The following GABRA3 variants were observed in gnomAD, a reference collection of about 807,000 sequenced individuals.
The protein encoded by GABRA3 is gamma-aminobutyric acid receptor subunit alpha-3.
Under a neutral mutation model 30.1 loss-of-function variants are expected in GABRA3, and 10 were observed. The observed-to-expected ratio is 0.33, with a 90% CI of 0.20 to 0.56. The LOEUF (loss-of-function observed/expected upper bound fraction) is 0.56. Ranked by LOEUF, GABRA3 falls within the 20% of genes least tolerant of loss-of-function variation. The probability of loss-of-function intolerance (pLI) is 0.89; values close to 1 mark genes in which losing one functional copy is unlikely to be tolerated. For synonymous variants in GABRA3, 151 were observed against 146.8 expected, an observed-to-expected ratio of 1.03 and a Z score of -0.21; for missense variants, 233 against 392.0, an observed-to-expected ratio of 0.59 and a Z score of 3.42.
chrX:152,363,698 G>A (rs771612617), intron 2 of GABRA3, among the ~76,000 whole-genome samples: 10 of 111,962 alleles, frequency 8.9e-5, no homozygotes, highest in Non-Finnish European at 1.7e-4. Context: ...TCTGTTTCTA[G>A]AGAACCCAAT....
chrX:152,377,721 T>C (rs746237487), intron 1 of GABRA3, among the ~76,000 whole-genome samples: 12 of 111,854 alleles, frequency 1.1e-4, no homozygotes, highest in Admixed American at 1.9e-4. Context: ...AACCATGTTG[T>C]AGTTTTGACA....
chrX:152,253,694 A>G (rs1430500951), intron 5 of GABRA3, among the ~76,000 whole-genome samples: 1 of 111,606 alleles, frequency 9.0e-6, no homozygotes, highest in Non-Finnish European at 1.9e-5. Context: ...TTTACCCAGT[A>G]ACTACAGAGC....
At chrX:152,172,617 C>T (rs1937017226) in intron 9 of GABRA3, among the ~76,000 whole-genome samples, 1 of 111,541 alleles carries the variant, frequency 9.0e-6, no homozygotes, top group African/African-American at 3.3e-5. Context: ...CACAATTCTT[C>T]AACCTCACAA....
intron 5 of GABRA3, chrX:152,250,644 C>CTCT (rs1938537294): frequency 9.0e-6 from 1 of 110,799 alleles, no homozygotes; most frequent in Non-Finnish European, 1.9e-5. Context: ...TGCATTGTTC[C>CTCT]AATTTTAGTA....
intron 5 of GABRA3, among the ~76,000 whole-genome samples, chrX:152,242,011 G>C (rs1476717830): frequency 9.0e-6 from 1 of 111,591 alleles, no homozygotes; most frequent in Non-Finnish European, 1.9e-5. Context: ...GTTCCTATTC[G>C]GCCATCTTGG....
intron 8 of GABRA3, among the ~76,000 whole-genome samples, chrX:152,191,920 A>T (rs112740611): frequency 1.8e-3 from 203 of 111,804 alleles, no homozygotes; most frequent in African/African-American, 6.3e-3. Flanking sequence ...GTAACCTGGT[A>T]ATCTCTGACA....
intron 1 of GABRA3, among the ~76,000 whole-genome samples, chrX:152,406,106 T>C (rs963815225): frequency 1.8e-5 from 2 of 109,068 alleles, no homozygotes; most frequent in Non-Finnish European, 3.8e-5. Context: ...CCGAGTTTAG[T>C]GTGCTCCCAA....
chrX:152,404,007 G>C (rs1929864664), intron 1 of GABRA3, among the ~76,000 whole-genome samples: 1 of 111,156 alleles, frequency 9.0e-6, no homozygotes, highest in Non-Finnish European at 1.9e-5. Flanking sequence ...ATGTTAAAAT[G>C]ATTACAAGCT....
At chrX:152,356,735 C>T (rs940921637) in intron 2 of GABRA3, among the ~76,000 whole-genome samples, 13 of 111,140 alleles carry the variant, frequency 1.2e-4, no homozygotes, top group Non-Finnish European at 1.7e-4. Context: ...CTATACTCAC[C>T]CTCCTTCCAC....
intron 1 of GABRA3, among the ~76,000 whole-genome samples, chrX:152,418,709 G>T (rs1425417758): frequency 9.0e-6 from 1 of 111,566 alleles, no homozygotes; most frequent in Non-Finnish European, 1.9e-5. Flanking sequence ...GTAATAAAGA[G>T]GCCCAGCAAA....
At chrX:152,242,147 T>G (rs1938390745) in intron 5 of GABRA3, among the ~76,000 whole-genome samples, 1 of 111,666 alleles carries the variant, frequency 9.0e-6, no homozygotes, top group African/African-American at 3.3e-5. Context: ...CAATTGGTTT[T>G]CATAAAAGAT....
At chrX:152,226,800 C>T (rs1396258899) in intron 5 of GABRA3, among the ~76,000 whole-genome samples, 1 of 112,024 alleles carries the variant, frequency 8.9e-6, no homozygotes, top group African/African-American at 3.2e-5. Context: ...CATCCCTGGC[C>T]ATCAGAGAAA....
At chrX:152,206,906 C>T (rs1272217007) in intron 7 of GABRA3, among the ~76,000 whole-genome samples, 1 of 111,534 alleles carries the variant, frequency 9.0e-6, no homozygotes, top group Admixed American at 9.4e-5. Flanking sequence ...CCCTGCAGCC[C>T]TACACTCCTT....
chrX:152,391,509 T>A (rs1929481898), intron 1 of GABRA3, among the ~76,000 whole-genome samples: 1 of 111,214 alleles, frequency 9.0e-6, no homozygotes, highest in African/African-American at 3.3e-5. Flanking sequence ...GGAGACACCA[T>A]GACATGCGCT....
chrX:152,348,320 C>A (rs1163166835), intron 2 of GABRA3, among the ~76,000 whole-genome samples: 1 of 111,458 alleles, frequency 9.0e-6, no homozygotes, highest in African/African-American at 3.3e-5. Flanking sequence ...AAGACACCAA[C>A]ACCAAAGAGA....
chrX:152,332,017 T>G (rs2124474464), intron 3 of GABRA3, among the ~76,000 whole-genome samples: 1 of 112,292 alleles, frequency 8.9e-6, no homozygotes, highest in African/African-American at 3.2e-5. Flanking sequence ...TCTTCTTTAA[T>G]TCACCACTAT....
chrX:152,298,035 A>G (rs767431524), intron 3 of GABRA3, among the ~76,000 whole-genome samples: 1 of 112,486 alleles, frequency 8.9e-6, no homozygotes. Flanking sequence ...TGAGAGCCAG[A>G]GGAGAATAAT....
chrX:152,339,282 C>CG (rs1940280024), intron 3 of GABRA3, among the ~76,000 whole-genome samples: 1 of 108,084 alleles, frequency 9.3e-6, no homozygotes, highest in Non-Finnish European at 1.9e-5. Context: ...GGCTGGAGTG[C>CG]GGTGGTGTGA....
intron 4 of GABRA3, among the ~76,000 whole-genome samples, chrX:152,282,122 T>C (rs1251329359): frequency 2.7e-5 from 3 of 111,920 alleles, no homozygotes; most frequent in Non-Finnish European, 5.6e-5. Flanking sequence ...ATGTAAAATA[T>C]TATGGGTGGT....
Sources: allele counts gnomAD v4.1 joint callset (sites outside exome capture counted in the v4.1 genomes callset), GRCh38; gene constraint gnomAD v4.1.1; transcripts MANE v1.5; gene names NCBI Gene and HGNC (gene_info 2026-07-23, HGNC 2026-07-21).